The following FAF1 variants were observed in gnomAD, a reference collection of about 807,000 sequenced individuals.
The protein encoded by FAF1 is FAS-associated factor 1.
In FAF1, 25 loss-of-function variants were observed where a neutral mutation model predicts 92.5. That is an observed-to-expected ratio of 0.27 (90% CI 0.20 to 0.38). FAF1 has a LOEUF of 0.38. Among genes scored for constraint, FAF1 ranks in the 10% least tolerant of loss-of-function variants. The pLI is 1.00. For missense variants in FAF1, 636 were observed against 793.3 expected (o/e 0.80, Z 2.38); for synonymous variants, 234 against 273.2 (o/e 0.86, Z 1.42).
chr1:50,541,467 T>A (rs911319213), intron 13 of FAF1, among the ~76,000 whole-genome samples: 3 of 152,148 alleles, frequency 2.0e-5, no homozygotes, highest in South Asian at 4.1e-4. Flanking sequence ...TCGATAGGGA[T>A]GTATAGATCG....
chr1:50,459,912 A>G (rs1646404150), intron 18 of FAF1, among the ~76,000 whole-genome samples: 1 of 152,202 alleles, frequency 6.6e-6, no homozygotes, highest in African/African-American at 2.4e-5. Context: ...AGGGCCTAAT[A>G]CCTACCAACA....
At chr1:50,854,108 T>C (rs75930273) in intron 2 of FAF1, among the ~76,000 whole-genome samples, 4 of 152,012 alleles carry the variant, frequency 2.6e-5, no homozygotes, top group African/African-American at 7.2e-5. Context: ...ATTAATGCAG[T>C]GTGTTTACCA....
intron 2 of FAF1, among the ~76,000 whole-genome samples, chr1:50,841,083 A>C (rs956355818): frequency 3.9e-5 from 6 of 152,062 alleles, no homozygotes; most frequent in Admixed American, 6.6e-5. Context: ...GTAATCTTAC[A>C]TCCCAACTAT....
intron 7 of FAF1, among the ~76,000 whole-genome samples, chr1:50,673,054 T>C (rs1655965972): frequency 6.6e-6 from 1 of 152,110 alleles, no homozygotes; most frequent in Non-Finnish European, 1.5e-5. Flanking sequence ...GGTCCAGAGT[T>C]CGAGACCAGC....
At chr1:50,712,670 T>A (rs1010478284) in intron 6 of FAF1, among the ~76,000 whole-genome samples, 1 of 151,270 alleles carries the variant, frequency 6.6e-6, no homozygotes, top group Non-Finnish European at 1.5e-5. Flanking sequence ...GAAAAAAAAA[T>A]GCCATGGTAA....
intron 1 of FAF1, among the ~76,000 whole-genome samples, chr1:50,878,916 T>C (rs183963257): frequency 2.0e-5 from 3 of 152,274 alleles, no homozygotes; most frequent in African/African-American, 7.2e-5. Context: ...CACAGCTCTG[T>C]CTCTCTTGTT....
chr1:50,582,561 C>G, intron 12 of FAF1, 57 bp downstream of exon 12: 1 of 1,081,170 alleles, frequency 9.2e-7, no homozygotes, highest in Non-Finnish European at 1.4e-6. Context: ...TGCCTCAGCC[C>G]TAGTGGTAAA....
At chr1:50,590,838 C>T (rs1000444549) in intron 9 of FAF1, among the ~76,000 whole-genome samples, 3 of 151,968 alleles carry the variant, frequency 2.0e-5, no homozygotes, top group Admixed American at 1.3e-4. Flanking sequence ...AAAAATTAGC[C>T]AGGTGTGGTG....
chr1:50,826,730 T>C (rs539802260), intron 2 of FAF1, among the ~76,000 whole-genome samples: 35 of 152,168 alleles, frequency 2.3e-4, no homozygotes, highest in South Asian at 6.2e-4. Context: ...TTTATGCCAA[T>C]AAATATGAAA....
chr1:50,595,311 CTCAA>C (rs1651744760), intron 9 of FAF1, among the ~76,000 whole-genome samples: 3 of 151,950 alleles, frequency 2.0e-5, no homozygotes, highest in African/African-American at 4.8e-5. Context: ...ACCTTGGCCT[CTCAA>C]AGTGCTGGGA....
intron 13 of FAF1, among the ~76,000 whole-genome samples, chr1:50,554,364 A>AATATAT (rs149420376): frequency 3.8e-4 from 44 of 117,178 alleles, no homozygotes; most frequent in African/African-American, 8.1e-4. Context: ...AAATGAGGTA[A>AATATAT]ATATATATAT....
At chr1:50,609,904 A>T (rs961448723) in intron 8 of FAF1, among the ~76,000 whole-genome samples, 1 of 151,942 alleles carries the variant, frequency 6.6e-6, no homozygotes, top group African/African-American at 2.4e-5. Flanking sequence ...TCACCTGTTT[A>T]CTCCCCCACA....
chr1:50,655,675 A>G (rs1655074224), intron 7 of FAF1, 147 bp from the exon 8 acceptor site: 3 of 543,944 alleles, frequency 5.5e-6, no homozygotes, highest in Non-Finnish European at 9.3e-6. Context: ...AAGTCAAAAA[A>G]TTTTGTAAAA....
intron 6 of FAF1, among the ~76,000 whole-genome samples, chr1:50,707,740 A>G (rs1187407800): frequency 6.6e-6 from 1 of 152,080 alleles, no homozygotes; most frequent in Non-Finnish European, 1.5e-5. Context: ...AAAGGAAAAG[A>G]AAGAAAAGAA....
At chr1:50,788,609 G>A (rs1345364207) in intron 3 of FAF1, among the ~76,000 whole-genome samples, 1 of 152,046 alleles carries the variant, frequency 6.6e-6, no homozygotes, top group Admixed American at 6.6e-5. Flanking sequence ...AAACTTTACA[G>A]TCCTTAAACC....
chr1:50,624,250 C>A (rs544022872), intron 8 of FAF1, among the ~76,000 whole-genome samples: 1 of 152,014 alleles, frequency 6.6e-6, no homozygotes, highest in Admixed American at 6.6e-5. Flanking sequence ...TGGGTTCAAG[C>A]GATTCTCCTG....
chr1:50,561,894 G>GAAGGAAGGAAGT (rs1224908451), intron 13 of FAF1, among the ~76,000 whole-genome samples: 6 of 142,952 alleles, frequency 4.2e-5, no homozygotes, highest in Non-Finnish European at 7.7e-5. Flanking sequence ...AGGAAGGAAG[G>GAAGGAAGGAAGT]AAGTTGTGTA....
intron 12 of FAF1, among the ~76,000 whole-genome samples, chr1:50,573,954 C>T (rs1449583293): frequency 6.6e-6 from 1 of 151,128 alleles, no homozygotes; most frequent in African/African-American, 2.4e-5. Flanking sequence ...AGGGCGAAAC[C>T]CCATCTCTAC....
chr1:50,518,531 C>A (rs1647322563), intron 15 of FAF1, among the ~76,000 whole-genome samples: 3 of 152,062 alleles, frequency 2.0e-5, no homozygotes, highest in Middle Eastern at 3.4e-3. Flanking sequence ...AGCTCCGCCT[C>A]CCGGGTTCAC....
Sources: allele counts gnomAD v4.1 joint callset (sites outside exome capture counted in the v4.1 genomes callset), GRCh38; gene constraint gnomAD v4.1.1; transcripts MANE v1.5; gene names NCBI Gene and HGNC (gene_info 2026-07-23, HGNC 2026-07-21).